TLE2: variants seen among roughly 807,000 people sequenced by gnomAD.
The protein encoded by TLE2 is TLE family member 2, transcriptional corepressor, also known as transducin-like enhancer protein 2.
Under a neutral mutation model 97.2 loss-of-function variants are expected in TLE2, and 74 were observed. The ratio of observed to expected loss-of-function variants is 0.76; its 90% CI spans 0.63 to 0.92. The LOEUF (loss-of-function observed/expected upper bound fraction) is 0.92, where lower values mean the gene tolerates loss of function less well. TLE2 is among the 40% of genes least tolerant of loss of function. The pLI is 0.00. For synonymous variants in TLE2, 499 were observed against 432.1 expected, an observed-to-expected ratio of 1.15 and a Z score of -1.92; for missense variants, 1,038 against 1,008.7, an observed-to-expected ratio of 1.03 and a Z score of -0.39.
At chr19:3,017,195 T>TGGTGCAATCTCGGCTC (rs1253992351) in intron 8 of TLE2, among the ~76,000 whole-genome samples, 40 of 152,014 alleles carry the variant, frequency 2.6e-4, no homozygotes, top group Admixed American at 2.4e-3. Context: ...TGGAGTGCGG[T>TGGTGCAATCTCGGCTC]GGTGCAATCT....
intron 12 of TLE2, among the ~76,000 whole-genome samples, 180 bp downstream of exon 12, chr19:3,010,842 G>A (rs76731306): frequency 0.017 from 2,586 of 152,176 alleles, 74 homozygotes; most frequent in African/African-American, 0.059. Context: ...CCTACCCGCC[G>A]AGCTGACACA....
At chr19:3,005,336 C>G in intron 17 of TLE2, 101 bp downstream of exon 17, 1 of 1,455,246 alleles carries the variant, frequency 6.9e-7, no homozygotes, top group African/African-American at 1.4e-5. Flanking sequence ...AGATGGGAGT[C>G]CTGTCCTGTC....
At chr19:3,038,099 G>A (rs1209181015) in intron 1 of TLE2, among the ~76,000 whole-genome samples, 1 of 151,990 alleles carries the variant, frequency 6.6e-6, no homozygotes, top group African/African-American at 2.4e-5. Context: ...TCCAGCCTGG[G>A]GGACAGAGCG....
intron 11 of TLE2, among the ~76,000 whole-genome samples, chr19:3,011,587 C>T (rs575140074): frequency 5.4e-4 from 81 of 150,788 alleles, no homozygotes; most frequent in African/African-American, 1.9e-3. Flanking sequence ...CAGTGGCTCA[C>T]GCCTGTAATC....
At chr19:3,044,361 C>G (rs914734535) in intron 1 of TLE2, among the ~76,000 whole-genome samples, 1 of 152,126 alleles carries the variant, frequency 6.6e-6, no homozygotes, top group Non-Finnish European at 1.5e-5. Context: ...CAGCTCCTGG[C>G]CTGTAGGGCA....
Position 3,005,792 on chromosome 19 carries a change from G to A in TLE2, c.1677C>T (p.Ala559=). The change falls in exon 16 of 20, where the codon GCC becomes GCT. Residue 559 remains alanine (A), a synonymous_variant. Transcript: ENST00000262953. The stretch of plus-strand genomic sequence containing the variant: ...CGCTGCAGCAGGAGAAGCAAACCTT[G>A]GCGTCGGGGCTGACGGCCAGGGCGT... ...ACYALAVSPD[A]KVCFSCCSDG... is the part of the protein sequence containing the mutation. 6 of 1,614,000 alleles carry A rather than the reference G, an allele frequency of 3.7e-6. No homozygotes were observed. The highest frequency in any genetic ancestry group is 5.1e-6 in the Non-Finnish European group (6 of 1,179,868).
chr19:3,022,560 AT>A (rs2089866038), intron 5 of TLE2, among the ~76,000 whole-genome samples: 1 of 152,130 alleles, frequency 6.6e-6, no homozygotes, highest in Non-Finnish European at 1.5e-5. Flanking sequence ...AAGGAAAAAA[AT>A]AATAGATTTA....
chr19:3,025,438 T>A, intron 4 of TLE2: 1 of 1,068,764 alleles, frequency 9.4e-7, no homozygotes, highest in Non-Finnish European at 1.1e-6. Context: ...TGGGCTCAGC[T>A]GAAACAAAGG....
intron 17 of TLE2, among the ~76,000 whole-genome samples, chr19:3,003,442 A>G (rs986874101): frequency 1.3e-5 from 2 of 152,136 alleles, no homozygotes; most frequent in African/African-American, 4.8e-5. Flanking sequence ...GTTCATGACC[A>G]GCCTGGCCAA....
intron 4 of TLE2, among the ~76,000 whole-genome samples, chr19:3,026,115 A>C (rs542407101): frequency 3.3e-5 from 5 of 152,134 alleles, no homozygotes; most frequent in Non-Finnish European, 7.4e-5. Context: ...TCAGGATCTC[A>C]GGATTAAGCA....
chr19:3,021,309 G>A (rs1015556859), intron 5 of TLE2, among the ~76,000 whole-genome samples: 2 of 150,918 alleles, frequency 1.3e-5, no homozygotes, highest in African/African-American at 4.9e-5. Context: ...GGAGGCTGGG[G>A]CAGGAGAAAC....
In TLE2 at chr19:3,005,726, C is replaced by T; in HGVS notation, c.1743G>A (p.Met581Ile). The T allele has an allele frequency of 6.2e-7, 1 of 1,613,482 alleles. No homozygotes were observed. The highest frequency in any genetic ancestry group is 2.2e-5 in the East Asian group (1 of 44,872). ...IVVWDLQNQT[M>I]VRQFQGHTDG... ...CCAGCGCACCTGCCACCCACCTGACCATAGTCTGATTCTGCAGGTCCCAGA... is the reference window on the plus strand; with the variant it reads ...CCAGCGCACCTGCCACCCACCTGACTATAGTCTGATTCTGCAGGTCCCAGA... Residue 581 changes from methionine (M) to isoleucine (I), a missense_variant, in exon 16 of 20, where the codon ATG (methionine) becomes ATA (isoleucine). Transcript: ENST00000262953.
chr19:3,029,580 G>T, upstream of TLE2: 1 of 618,714 alleles, frequency 1.6e-6, no homozygotes, highest in Non-Finnish European at 2.0e-6. Context: ...CTTGCGGGGA[G>T]CGGGGACCAG....
At chr19:3,047,595 CTT>C (rs1297695318), upstream of TLE2, 1 of 151,998 alleles carries the variant, frequency 6.6e-6, no homozygotes, top group Non-Finnish European at 1.5e-5. Flanking sequence ...AGCTGACACT[CTT>C]GAGCCCTTGC....
At position 3,019,855 on chromosome 19, in the gene TLE2, C is replaced by A; in HGVS notation, c.295-82G>T. 1.3e-6 allele frequency: 2 copies of A among 1,501,446 alleles called. No homozygotes were observed. Among genetic ancestry groups the A allele is most frequent in the Non-Finnish European group, 9.0e-7 (1 of 1,110,652 alleles). 93.0% of individuals were successfully genotyped at this position (1,501,446 alleles called of 1,614,324 possible). ...GTGCCCTTGGGGACCTGACCTCTCC[C>A]CGCCACCCTCTCATCTTTGCCCCGG... On this transcript the variant is annotated intron_variant, in intron 5 of 19. Transcript: ENST00000262953. This position sits in a 1 kb window ranked among gnomAD's most constrained non-coding sequence, Gnocchi z 5.1.
intron 14 of TLE2, among the ~76,000 whole-genome samples, chr19:3,007,262 G>A (rs995391485): frequency 3.3e-5 from 5 of 151,942 alleles, no homozygotes; most frequent in Admixed American, 1.3e-4. Flanking sequence ...TAATTTTTTT[G>A]TATTTTTAGT....
upstream of TLE2, among the ~76,000 whole-genome samples, chr19:3,046,519 T>A (rs752067500): frequency 2.6e-5 from 4 of 152,086 alleles, no homozygotes; most frequent in Non-Finnish European, 5.9e-5. Flanking sequence ...GGGGTGCAGA[T>A]GGGGGGAAAT....
chr19:3,025,512 A>G (rs1197194296), intron 4 of TLE2: 1 of 999,078 alleles, frequency 1.0e-6, no homozygotes, highest in Non-Finnish European at 1.2e-6. Flanking sequence ...GTCCCAGGCA[A>G]GGCCCCTTTC....
intron 4 of TLE2, among the ~76,000 whole-genome samples, chr19:3,026,341 G>A (rs890531477): frequency 7.2e-5 from 11 of 151,846 alleles, no homozygotes; most frequent in African/African-American, 1.7e-4. Context: ...CCAGCTCCTC[G>A]GGAGGCTGAG....
Sources: allele counts gnomAD v4.1 joint callset (sites outside exome capture counted in the v4.1 genomes callset), GRCh38; gene constraint gnomAD v4.1.1; non-coding constraint Gnocchi (gnomAD v3.1); transcripts MANE v1.5; gene names NCBI Gene and HGNC (gene_info 2026-07-23, HGNC 2026-07-21).